Variants in NRXN1 observed in about 807,000 individuals in gnomAD.
NRXN1 encodes the protein neurexin 1.
A neutral mutation model predicts 150.9 loss-of-function variants in NRXN1; 39 were observed. That is an observed-to-expected ratio of 0.26 (90% CI 0.20 to 0.34). The LOEUF (loss-of-function observed/expected upper bound fraction) is 0.34, where lower values mean the gene tolerates loss of function less well. NRXN1 is among the 10% of genes least tolerant of loss of function. The pLI is 1.00. For synonymous variants in NRXN1, 924 were observed against 757.0 expected, an observed-to-expected ratio of 1.22 and a Z score of -3.62; for missense variants, 1,815 against 1,949.9, an observed-to-expected ratio of 0.93 and a Z score of 1.30.
At chr2:51,016,526 G>C (rs1412662782) in intron 2 of NRXN1, among the ~76,000 whole-genome samples, 2 of 152,166 alleles carry the variant, frequency 1.3e-5, no homozygotes, top group Non-Finnish European at 2.9e-5. Context: ...CTGGTCATTA[G>C]AGAAATGCAA....
At chr2:50,166,973 G>A (rs2059727184) in intron 18 of NRXN1, among the ~76,000 whole-genome samples, 1 of 152,094 alleles carries the variant, frequency 6.6e-6, no homozygotes, top group Non-Finnish European at 1.5e-5. Flanking sequence ...ATATAATTTG[G>A]CCAAAAACTT....
At chr2:50,850,751 T>G (rs562942671) in intron 5 of NRXN1, among the ~76,000 whole-genome samples, 1 of 152,280 alleles carries the variant, frequency 6.6e-6, no homozygotes, top group East Asian at 1.9e-4. Context: ...GGTTTTTTTT[T>G]TTCCACACAT....
intron 17 of NRXN1, among the ~76,000 whole-genome samples, chr2:50,462,434 A>G (rs2088329369): frequency 1.3e-5 from 2 of 151,750 alleles, no homozygotes; most frequent in Non-Finnish European, 3.0e-5. Context: ...AGAGGCACAG[A>G]ATGGATCAGA....
chr2:50,589,304 C>G (rs1367386548), intron 8 of NRXN1: 1 of 152,158 alleles, frequency 6.6e-6, no homozygotes, highest in Non-Finnish European at 1.5e-5. Context: ...TTAATAGCCC[C>G]TAGAATGGAG....
chr2:50,459,312 T>G (rs1418871134), intron 17 of NRXN1, among the ~76,000 whole-genome samples: 2 of 152,144 alleles, frequency 1.3e-5, no homozygotes, highest in Admixed American at 6.6e-5. Flanking sequence ...TACTAAGTAT[T>G]TTTTTACTTT....
chr2:50,202,377 G>A (rs539715251), intron 18 of NRXN1, among the ~76,000 whole-genome samples: 86 of 152,244 alleles, frequency 5.6e-4, no homozygotes, highest in Non-Finnish European at 3.4e-4. Context: ...GTGGTGCTGG[G>A]CACCTGTAGT....
intron 8 of NRXN1, chr2:50,619,172 A>C (rs1679539501): frequency 6.6e-6 from 1 of 152,178 alleles, no homozygotes; most frequent in Non-Finnish European, 1.5e-5. Flanking sequence ...ACCTATGGCT[A>C]ACAGTGAATT....
At chr2:49,935,045 T>C (rs1361780428) in intron 22 of NRXN1, among the ~76,000 whole-genome samples, 1 of 152,232 alleles carries the variant, frequency 6.6e-6, no homozygotes, top group Non-Finnish European at 1.5e-5. Flanking sequence ...TTTCCATTTA[T>C]GATATGGTTT....
chr2:50,391,288 G>T lies in NRXN1; in HGVS notation c.3364+74154C>A, dbSNP rs78645057. Among the ~76,000 whole-genome samples, 40 of 151,778 alleles carry T rather than the reference G, an allele frequency of 2.6e-4. 1 individual carries two copies. The East Asian group carries it at 7.8e-3, about 29-fold the overall frequency. On this transcript the variant is annotated intron_variant, in intron 17 of 22. Transcript: ENST00000401669. ...GATAAAATGCTGGAATAAAAGAGAA[G>T]ATCCCTGAGTTGACTGTGCATTAAT...
At chr2:50,731,107 C>G (rs906711239) in intron 5 of NRXN1, among the ~76,000 whole-genome samples, 1 of 152,112 alleles carries the variant, frequency 6.6e-6, no homozygotes, top group African/African-American at 2.4e-5. Flanking sequence ...TTTTTCTAAT[C>G]CATGCTGTAC....
chr2:50,574,809 C>A (rs1017085806), intron 8 of NRXN1, among the ~76,000 whole-genome samples: 17 of 152,216 alleles, frequency 1.1e-4, no homozygotes, highest in African/African-American at 4.1e-4. Flanking sequence ...TCAAAGGCTA[C>A]AAATTGTGCG....
intron 11 of NRXN1, 90 bp downstream of exon 11, chr2:50,531,137 A>G (rs2093090712): frequency 9.6e-7 from 1 of 1,040,020 alleles, no homozygotes; most frequent in Non-Finnish European, 1.4e-6. Context: ...TTAATTTTCC[A>G]TGGCAAACAG....
chr2:50,744,056 A>G (rs1013469282), intron 5 of NRXN1, among the ~76,000 whole-genome samples: 10 of 152,104 alleles, frequency 6.6e-5, no homozygotes, highest in African/African-American at 2.2e-4. Context: ...TTTTCTTTCA[A>G]GTGTTATTTC....
At chr2:50,006,706 G>T (rs1051513678) in intron 21 of NRXN1, among the ~76,000 whole-genome samples, 2 of 151,992 alleles carry the variant, frequency 1.3e-5, no homozygotes, top group African/African-American at 4.8e-5. Context: ...AGATTTTTTT[G>T]CTCCTAGAGT....
At chr2:50,784,201 A>G (rs1331238488) in intron 5 of NRXN1, among the ~76,000 whole-genome samples, 1 of 152,158 alleles carries the variant, frequency 6.6e-6, no homozygotes, top group Non-Finnish European at 1.5e-5. Flanking sequence ...GCTAGGCACT[A>G]GGGTTATAAA....
At chr2:50,921,055 T>C (rs1309467089) in intron 5 of NRXN1, among the ~76,000 whole-genome samples, 1 of 151,692 alleles carries the variant, frequency 6.6e-6, no homozygotes, top group Non-Finnish European at 1.5e-5. Flanking sequence ...AAACTAATAA[T>C]AATAATTAAA....
At chr2:50,082,864 A>T (rs80110873) in intron 19 of NRXN1, among the ~76,000 whole-genome samples, 2,159 of 152,312 alleles carry the variant, frequency 0.014, 47 homozygotes, top group African/African-American at 0.049. Context: ...ACATGTCTCT[A>T]TGTCATTCCC....
chr2:50,472,989 T>C (rs2089664559), intron 15 of NRXN1, among the ~76,000 whole-genome samples: 1 of 151,936 alleles, frequency 6.6e-6, no homozygotes, highest in Non-Finnish European at 1.5e-5. Flanking sequence ...TCAACAGGCA[T>C]TATTATTAAA....
intron 17 of NRXN1, among the ~76,000 whole-genome samples, chr2:50,336,057 C>G (rs2077172447): frequency 6.6e-6 from 1 of 152,120 alleles, no homozygotes; most frequent in Non-Finnish European, 1.5e-5. Context: ...AAAACCAAGG[C>G]TCAGAGGCTT....
Sources: gnomAD v4.1 joint callset for allele counts (sites outside exome capture counted in the v4.1 genomes callset) on GRCh38, gnomAD v4.1.1 for gene constraint, MANE v1.5 for transcripts, NCBI Gene and HGNC (gene_info 2026-07-23, HGNC 2026-07-21) for gene names.